GGCT: variants seen among roughly 807,000 people sequenced by gnomAD.
GGCT encodes the protein gamma-glutamylcyclotransferase, also known as cytochrome c-releasing factor 21.
In GGCT, 20 loss-of-function variants were observed where a neutral mutation model predicts 22.1. That is an observed-to-expected ratio of 0.91 (90% CI 0.64 to 1.32). The LOEUF is 1.32. Among genes scored for constraint, GGCT ranks in the 40% most tolerant of loss-of-function variants. The probability of loss-of-function intolerance (pLI) is 0.00; values close to 1 mark genes in which losing one functional copy is unlikely to be tolerated. For synonymous variants in GGCT, 72 were observed against 78.4 expected (o/e 0.92, Z 0.43); for missense variants, 209 against 223.5 (o/e 0.94, Z 0.41).
Position 30,504,829 on chromosome 7 carries a change from G to T in GGCT, c.-120C>A, listed in dbSNP as rs1223969792. On this transcript the variant is annotated 5_prime_UTR_variant, in exon 1 of 4. Transcript: ENST00000275428. ...CCGCGCGGCAGCCTCAGGGTTAGGGGACTGGCGGGAAGCGTGGGCCGGTCG... is the reference window on the plus strand; with the variant it reads ...CCGCGCGGCAGCCTCAGGGTTAGGGTACTGGCGGGAAGCGTGGGCCGGTCG... 4.9e-6 allele frequency: 5 copies of T among 1,013,056 alleles called. No homozygotes were observed. The highest frequency in any genetic ancestry group is 7.5e-6 in the Non-Finnish European group (5 of 666,876). 62.8% of individuals were successfully genotyped at this position (1,013,056 alleles called of 1,614,324 possible).
In GGCT at chr7:30,504,765, AGC is replaced by A; in HGVS notation, c.-58_-57del. The A allele has an allele frequency of 6.4e-7, 1 of 1,569,082 alleles. No homozygotes were observed. Among genetic ancestry groups the A allele is most frequent in the South Asian group, 1.1e-5 (1 of 89,966 alleles). ...AGCAGAGTGTAAGGAACGGCCAGAGAGCGCAACACTGGGGCCCACTACCCCGG... is the reference window on the plus strand; with the variant it reads ...AGCAGAGTGTAAGGAACGGCCAGAGAGCAACACTGGGGCCCACTACCCCGG... On this transcript the variant is annotated 5_prime_UTR_variant, in exon 1 of 4. Coordinates refer to ENST00000275428, the MANE Select transcript of GGCT (RefSeq NM_024051.4).
chr7:30,503,317 G>T (rs1447653351), intron 1 of GGCT, among the ~76,000 whole-genome samples: 1 of 152,168 alleles, frequency 6.6e-6, no homozygotes, highest in African/African-American at 2.4e-5. Flanking sequence ...CCTTCCTACA[G>T]TTGGGAAATT....
chr7:30,499,727 AAGCTT>A (rs1354292499), intron 2 of GGCT, among the ~76,000 whole-genome samples: 1 of 152,000 alleles, frequency 6.6e-6, no homozygotes, highest in African/African-American at 2.4e-5. Flanking sequence ...AAAAAAAAGT[AAGCTT>A]AGCTTAGCAT....
chr7:30,497,715 C>T, intron 3 of GGCT: 2 of 1,310,842 alleles, frequency 1.5e-6, no homozygotes, highest in Non-Finnish European at 2.0e-6. Flanking sequence ...TAAAAAATTC[C>T]AAACGAGGCC....
At chr7:30,501,202 T>C (rs1394027406) in intron 1 of GGCT, among the ~76,000 whole-genome samples, 2 of 152,206 alleles carry the variant, frequency 1.3e-5, no homozygotes, top group African/African-American at 2.4e-5. Flanking sequence ...TCACGAATTA[T>C]ACTAATTTAT....
Position 30,499,005 on chromosome 7 carries a change from T to C in GGCT, c.288-67A>G, listed in dbSNP as rs767559492. 2.1e-6 allele frequency: 3 copies of C among 1,396,348 alleles called. No individual in the cohort carries two copies. In the Admixed American group the frequency reaches 5.0e-5, roughly 23 times the overall value. 86.5% of individuals were successfully genotyped at this position (1,396,348 alleles called of 1,614,324 possible). ...CCAATTTAGCTCACTGGGTAAGGTC[T>C]TTTTATAATAGTCAAGATGGTGTAT... On this transcript the variant is annotated intron_variant, in intron 2 of 3. Transcript: ENST00000275428.
intron 1 of GGCT, among the ~76,000 whole-genome samples, chr7:30,502,996 T>C (rs1789737632): frequency 6.6e-6 from 1 of 152,216 alleles, no homozygotes; most frequent in Non-Finnish European, 1.5e-5. Flanking sequence ...CCAGTCTTCA[T>C]GCCACATTCC....
chr7:30,499,091 T>C, intron 2 of GGCT, 153 bp from the exon 3 acceptor site: 1 of 758,804 alleles, frequency 1.3e-6, no homozygotes, highest in South Asian at 1.4e-5. Context: ...GGATAGAGAA[T>C]ATATAAATTT....
chr7:30,497,764 T>C (rs776495741), intron 3 of GGCT: 15 of 1,445,926 alleles, frequency 1.0e-5, no homozygotes, highest in Non-Finnish European at 1.2e-5. Context: ...CATGACCTGA[T>C]TGGGCCTGCC....
In GGCT at chr7:30,498,426, T is replaced by C. The variant is rs535505970; in HGVS notation, c.423+377A>G. On this transcript the variant is annotated intron_variant, in intron 3 of 3. Transcript: ENST00000275428. ...AAACATACAAAACCTTTTATTTCTTTTTTAGAAATTTTTTTGAGAGTGTCT... is the reference window on the plus strand; with the variant it reads ...AAACATACAAAACCTTTTATTTCTTCTTTAGAAATTTTTTTGAGAGTGTCT... Among the ~76,000 whole-genome samples the C allele has an allele frequency of 2.3e-4, 35 of 152,324 alleles. No individual in the cohort carries two copies. The South Asian group carries it at 7.0e-3, about 31-fold the overall frequency.
rs771363428 is a variant in GGCT, at chr7:30,504,649, C to A, written c.61G>T (p.Ala21Ser). The part of the protein sequence containing the change: ...GPDEESFLYF[A>S]YGSNLLTERI... The stretch of plus-strand genomic sequence containing the variant: ...TCTGTCAGCAGGTTGCTGCCGTAGG[C>A]AAAGTACAGAAAACTCTCCTCATCT... Residue 21 changes from alanine to serine, a missense_variant, in exon 1 of 4, where the codon GCC becomes TCC. By Grantham distance (99) the Ala-to-Ser change is moderately conservative. Transcript: ENST00000275428. 6.2e-7 allele frequency: 1 copy of A among 1,614,108 alleles called. No homozygotes were observed. Among genetic ancestry groups the A allele is most frequent in the South Asian group, 1.1e-5 (1 of 91,082 alleles).
At chr7:30,499,059 A>G (rs1227871866) in intron 2 of GGCT, 121 bp from the exon 3 acceptor site, 1 of 861,124 alleles carries the variant, frequency 1.2e-6, no homozygotes, top group Non-Finnish European at 2.0e-6. Flanking sequence ...ACATCTGAAC[A>G]TACTTGCTCC....
chr7:30,500,575 A>G lies in GGCT; in HGVS notation c.248T>C (p.Val83Ala). Reference sequence around the variant, plus strand: ...TAAATTGCTTTTGTTCATTTTCCATACTACTCCCCACACTTCATCGCCAGG... The same window carrying G: ...TAAATTGCTTTTGTTCATTTTCCATGCTACTCCCCACACTTCATCGCCAGG... Reference protein sequence around the residue: ...QSPGDEVWGVVWKMNKSNLNS... With the variant: ...QSPGDEVWGVAWKMNKSNLNS... Residue 83 changes from valine to alanine, a missense_variant, in exon 2 of 4, where the codon GTA becomes GCA. Coordinates refer to ENST00000275428, the MANE Select transcript of GGCT (RefSeq NM_024051.4). 4 of 1,613,642 alleles carry G rather than the reference A, an allele frequency of 2.5e-6. No individual in the cohort carries two copies. The highest frequency in any genetic ancestry group is 3.4e-6 in the Non-Finnish European group (4 of 1,179,594).
At chr7:30,497,736 AT>A in intron 3 of GGCT, 1 of 1,368,688 alleles carries the variant, frequency 7.3e-7, no homozygotes, top group South Asian at 1.9e-5. Context: ...TAGGAACCAG[AT>A]TACCTATTAC....
chr7:30,500,829 T>C, intron 1 of GGCT, 148 bp from the exon 2 acceptor site: 1 of 603,356 alleles, frequency 1.7e-6, no homozygotes, highest in Non-Finnish European at 2.9e-6. Context: ...GTGGAAAATA[T>C]AAAGTTAAAC....
rs1250289058 is a variant in GGCT, at chr7:30,504,798, T to A, written c.-89A>T. The A allele has an allele frequency of 7.4e-7, 1 of 1,351,268 alleles. No homozygotes were observed. Among genetic ancestry groups the A allele is most frequent in the Non-Finnish European group, 1.0e-6 (1 of 954,544 alleles). 83.7% of individuals were successfully genotyped at this position (1,351,268 alleles called of 1,614,324 possible). A position where few individuals can be genotyped will look rare whatever the true frequency, so the allele number is the denominator to read the frequency against. On this transcript the variant is annotated 5_prime_UTR_variant, in exon 1 of 4. Coordinates refer to ENST00000275428, the MANE Select transcript of GGCT (RefSeq NM_024051.4). ...ACTGGGGCCCACTACCCCGGCGCAG[T>A]GACCGCCGCGCGGCAGCCTCAGGGT...
chr7:30,497,808 T>A, intron 3 of GGCT: 1 of 1,463,302 alleles, frequency 6.8e-7, no homozygotes, highest in Non-Finnish European at 9.1e-7. Context: ...TGAACAGGAA[T>A]TTTGGGGTCT....
At chr7:30,498,721 A>C in intron 3 of GGCT, 82 bp downstream of exon 3, 1 of 1,303,022 alleles carries the variant, frequency 7.7e-7, no homozygotes, top group Non-Finnish European at 1.1e-6. Flanking sequence ...GTTGGGCCTA[A>C]AGTCTTTTAA....
At position 30,496,878 on chromosome 7, in the gene GGCT, T is replaced by C. The variant is rs1385827161; in HGVS notation, c.*214A>G. 1 of 350,946 alleles carries C rather than the reference T, an allele frequency of 2.8e-6. No homozygotes were observed. The highest frequency in any genetic ancestry group is 8.4e-5 in the South Asian group (1 of 11,872). 21.7% of individuals were successfully genotyped at this position (350,946 alleles called of 1,614,324 possible). ...GGGGTACTCACATTCATTTGTCACA[T>C]ATTTCAGGCCCTCATACACCCCTTT... On this transcript the variant is annotated 3_prime_UTR_variant, in exon 4 of 4. Transcript: ENST00000275428.
Sources: allele counts gnomAD v4.1 joint callset (sites outside exome capture counted in the v4.1 genomes callset), GRCh38; gene constraint gnomAD v4.1.1; transcripts MANE v1.5; gene names NCBI Gene and HGNC (gene_info 2026-07-23, HGNC 2026-07-21).